The following MECOM variants were observed in gnomAD, a reference collection of about 807,000 sequenced individuals.
The protein encoded by MECOM is histone-lysine N-methyltransferase MECOM.
In MECOM, 13 loss-of-function variants were observed where a neutral mutation model predicts 116.3. The ratio of observed to expected loss-of-function variants is 0.11; its 90% CI spans 0.07 to 0.18. MECOM has a LOEUF of 0.18. Ranked by LOEUF, MECOM falls within the 10% of genes least tolerant of loss-of-function variation. The pLI, the probability that MECOM is intolerant of heterozygous loss-of-function variation, is 1.00. For missense variants in MECOM, 1,299 were observed against 1,509.0 expected, an observed-to-expected ratio of 0.86 and a Z score of 2.31; for synonymous variants, 528 against 535.2, an observed-to-expected ratio of 0.99 and a Z score of 0.19.
intron 2 of MECOM, among the ~76,000 whole-genome samples, chr3:169,306,680 C>A (rs1717768734): frequency 1.3e-5 from 2 of 152,228 alleles, no homozygotes; most frequent in South Asian, 4.1e-4. Context: ...AAAATCCAGA[C>A]TAGAACAAGA....
At chr3:169,301,693 G>A (rs905704036) in intron 2 of MECOM, among the ~76,000 whole-genome samples, 27 of 152,160 alleles carry the variant, frequency 1.8e-4, no homozygotes, top group African/African-American at 6.5e-4. Flanking sequence ...CTTCTGATAT[G>A]TAAAAGATAT....
At chr3:169,472,613 G>GAAAGAAAAGA (rs772494863) in intron 1 of MECOM, among the ~76,000 whole-genome samples, 2 of 47,956 alleles carry the variant, frequency 4.2e-5, no homozygotes, top group Non-Finnish European at 7.1e-5. Context: ...GAAAGGAAAG[G>GAAAGAAAAGA]AAAGAAAAGA....
intron 2 of MECOM, among the ~76,000 whole-genome samples, chr3:169,282,098 T>C (rs999219931): frequency 6.6e-6 from 1 of 152,188 alleles, no homozygotes; most frequent in Admixed American, 6.5e-5. Context: ...TTTTTCTTGG[T>C]CAAATATCTA....
intron 1 of MECOM, among the ~76,000 whole-genome samples, chr3:169,541,126 C>G (rs1375574688): frequency 6.6e-6 from 1 of 152,176 alleles, no homozygotes; most frequent in Non-Finnish European, 1.5e-5. Context: ...AGCTGGGAGT[C>G]TTATTAAAAT....
At chr3:169,329,439 T>G (rs1480915486) in intron 2 of MECOM, among the ~76,000 whole-genome samples, 1 of 152,190 alleles carries the variant, frequency 6.6e-6, no homozygotes, top group Non-Finnish European at 1.5e-5. Flanking sequence ...TTCAAAACTA[T>G]GTGGGGAGTG....
chr3:169,558,887 C>T (rs989098503), intron 1 of MECOM, among the ~76,000 whole-genome samples: 1 of 152,032 alleles, frequency 6.6e-6, no homozygotes, highest in African/African-American at 2.4e-5. Context: ...CCTCTCAACC[C>T]CAGACATCTA....
chr3:169,189,177 T>C (rs1219358142), intron 2 of MECOM, among the ~76,000 whole-genome samples: 11 of 152,134 alleles, frequency 7.2e-5, no homozygotes, highest in African/African-American at 2.7e-4. Flanking sequence ...TATGTTGCTT[T>C]AACAGTTAAT....
intron 1 of MECOM, among the ~76,000 whole-genome samples, chr3:169,642,838 T>A (rs926460283): frequency 6.6e-6 from 1 of 151,882 alleles, no homozygotes; most frequent in African/African-American, 2.4e-5. Flanking sequence ...GCCAACTGAA[T>A]GATTTTAATA....
At chr3:169,291,750 A>T (rs922970489) in intron 2 of MECOM, among the ~76,000 whole-genome samples, 1 of 152,212 alleles carries the variant, frequency 6.6e-6, no homozygotes, top group African/African-American at 2.4e-5. Flanking sequence ...ATACATGCTG[A>T]TCCAATAAAA....
intron 2 of MECOM, among the ~76,000 whole-genome samples, chr3:169,172,362 T>A (rs527931352): frequency 6.6e-6 from 1 of 152,138 alleles, no homozygotes; most frequent in East Asian, 1.9e-4. Flanking sequence ...TACTTTCCAC[T>A]GTATCACAGG....
intron 3 of MECOM, among the ~76,000 whole-genome samples, chr3:169,136,726 A>G (rs941118956): frequency 2.0e-5 from 3 of 152,070 alleles, no homozygotes; most frequent in Non-Finnish European, 4.4e-5. Context: ...CTGTGGATTG[A>G]TTTGAAGTAT....
intron 7 of MECOM, 101 bp downstream of exon 7, chr3:169,120,955 C>A: frequency 8.0e-7 from 1 of 1,246,550 alleles, no homozygotes; most frequent in Non-Finnish European, 1.1e-6. Flanking sequence ...ATAGCTAACA[C>A]GGTGACCCTC....
intron 1 of MECOM, among the ~76,000 whole-genome samples, chr3:169,528,388 C>G (rs746935782): frequency 5.3e-5 from 8 of 152,172 alleles, no homozygotes; most frequent in Non-Finnish European, 1.2e-4. Context: ...GAATGTGCCC[C>G]ATTGTTGTTC....
At chr3:169,594,154 C>CAAAAAAAAAAAAAAAAAAAAAAAAAAA (rs34331048) in intron 1 of MECOM, among the ~76,000 whole-genome samples, 1 of 45,708 alleles carries the variant, frequency 2.2e-5, no homozygotes, top group Non-Finnish European at 4.0e-5. Flanking sequence ...ACCACCACCA[C>CAAAAAAAAAAAAAAAAAAAAAAAAAAA]AAAAAAAAAA....
intron 2 of MECOM, among the ~76,000 whole-genome samples, chr3:169,277,733 T>C (rs1759783794): frequency 6.6e-6 from 1 of 152,222 alleles, no homozygotes; most frequent in Non-Finnish European, 1.5e-5. Flanking sequence ...GGTTTCCTCT[T>C]GGTTCACTGT....
intron 1 of MECOM, among the ~76,000 whole-genome samples, chr3:169,483,196 A>ATTT (rs757660718): frequency 6.7e-5 from 7 of 104,766 alleles, no homozygotes; most frequent in African/African-American, 2.6e-4. Flanking sequence ...TTTTATTTTT[A>ATTT]TTTTTATTTT....
At chr3:169,188,492 G>A (rs531306813) in intron 2 of MECOM, among the ~76,000 whole-genome samples, 107 of 152,066 alleles carry the variant, frequency 7.0e-4, no homozygotes, top group African/African-American at 2.4e-3. Flanking sequence ...TGAGTAATCC[G>A]AGGGGTAATT....
chr3:169,149,618 G>C, intron 2 of MECOM: 2 of 457,470 alleles, frequency 4.4e-6, no homozygotes, highest in Non-Finnish European at 8.9e-6. Context: ...GCGTCCTTCC[G>C]AGCTACGAGA....
intron 1 of MECOM, among the ~76,000 whole-genome samples, chr3:169,441,622 A>G (rs1263061517): frequency 6.6e-6 from 1 of 152,176 alleles, no homozygotes; most frequent in East Asian, 1.9e-4. Context: ...AGTTGCTACA[A>G]TGGACTTGTC....
Sources: gnomAD v4.1 joint callset for allele counts (sites outside exome capture counted in the v4.1 genomes callset) on GRCh38, gnomAD v4.1.1 for gene constraint, MANE v1.5 for transcripts, NCBI Gene and HGNC (gene_info 2026-07-23, HGNC 2026-07-21) for gene names.